TBX22: variants seen among roughly 807,000 people sequenced by gnomAD.
TBX22 encodes the protein T-box transcription factor 22, also known as T-box transcription factor TBX22.
TBX22 carries 8 observed loss-of-function variants against 30.1 expected under a neutral mutation model. The observed-to-expected ratio is 0.27, with a 90% CI of 0.16 to 0.48. The LOEUF (loss-of-function observed/expected upper bound fraction) is 0.48, where lower values mean the gene tolerates loss of function less well. TBX22 is among the 20% of genes least tolerant of loss of function. The pLI is 0.99. For missense variants in TBX22, 463 were observed against 400.5 expected, an observed-to-expected ratio of 1.16 and a Z score of -1.33; for synonymous variants, 173 against 149.1, an observed-to-expected ratio of 1.16 and a Z score of -1.17.
At chrX:80,019,279 T>C (rs1302350290) in intron 1 of TBX22, among the ~76,000 whole-genome samples, 3 of 110,234 alleles carry the variant, frequency 2.7e-5, no homozygotes, top group African/African-American at 1.0e-4. Flanking sequence ...CATTAGAGTG[T>C]TCATTCTAAG....
chrX:80,021,689 G>C (rs1026248301), intron 1 of TBX22, among the ~76,000 whole-genome samples: 47 of 111,580 alleles, frequency 4.2e-4, no homozygotes, highest in African/African-American at 1.4e-3. Context: ...CTCCCTGTTA[G>C]ACTCTGAAGT....
chrX:80,020,550 A>G (rs1015668937), intron 1 of TBX22, among the ~76,000 whole-genome samples: 1 of 112,042 alleles, frequency 8.9e-6, no homozygotes, highest in African/African-American at 3.2e-5. Context: ...CATGGTGAGC[A>G]GTGGCTAAAT....
At chrX:80,027,352 A>C in intron 7 of TBX22, 32 bp downstream of exon 7, 2 of 685,211 alleles carry the variant, frequency 2.9e-6, no homozygotes, top group Non-Finnish European at 4.6e-6. Flanking sequence ...TCTAATATTG[A>C]TGTAGCTAGC....
At chrX:80,030,202 A>G (rs554907501) in intron 8 of TBX22, among the ~76,000 whole-genome samples, 11 of 112,058 alleles carry the variant, frequency 9.8e-5, no homozygotes, top group African/African-American at 3.6e-4. Flanking sequence ...AGCTCAGGCA[A>G]TGAGGTAATG....
intron 1 of TBX22, among the ~76,000 whole-genome samples, chrX:80,020,830 A>C (rs1233119491): frequency 8.9e-6 from 1 of 112,163 alleles, no homozygotes; most frequent in Admixed American, 9.5e-5. Flanking sequence ...ATCTTATTTT[A>C]AATGAACTTG....
chrX:80,019,940 A>G (rs1186550509), intron 1 of TBX22, among the ~76,000 whole-genome samples: 1 of 111,882 alleles, frequency 8.9e-6, no homozygotes, highest in Non-Finnish European at 1.9e-5. Context: ...CACCCAAGAT[A>G]TGCTATTTTC....
chrX:80,029,050 A>G (rs1032532168), intron 8 of TBX22, among the ~76,000 whole-genome samples: 40 of 112,065 alleles, frequency 3.6e-4, no homozygotes, highest in Admixed American at 1.6e-3. Flanking sequence ...AATGTGCACT[A>G]ATAAAGAAAA....
chrX:80,031,355 A>G lies in TBX22; in HGVS notation c.*244A>G. 1 of 368,432 alleles carries G rather than the reference A, an allele frequency of 2.7e-6. No homozygotes were observed. Among genetic ancestry groups the G allele is most frequent in the Non-Finnish European group, 4.7e-6 (1 of 213,381 alleles). The allele number at this position is 368,432 out of a possible 1,213,427, so 30.4% of individuals were successfully genotyped here. ...CTTGAGCTTCAAAATGAGATATGCA[A>G]TAAATATTATTTGATGATACTCCAC... On this transcript the variant is annotated 3_prime_UTR_variant, in exon 9 of 9. Transcript: ENST00000373296.
intron 5 of TBX22, among the ~76,000 whole-genome samples, chrX:80,026,288 C>T (rs1353679679): frequency 9.0e-6 from 1 of 111,659 alleles, no homozygotes; most frequent in African/African-American, 3.3e-5. Flanking sequence ...CTTCTGTCCT[C>T]CCCAGTCTGG....
At position 80,023,086 on chromosome X, in the gene TBX22, A is replaced by G; in HGVS notation, c.202A>G (p.Thr68Ala). ...LEKQPKTEPS[T>A]SASSGCGSDS... is the part of the protein sequence containing the mutation. ...AAAACAACCTAAGACAGAGCCCTCA[A>G]CATCTGCTTCCTCTGGCTGCGGCAG... Residue 68 changes from threonine (T) to alanine (A), a missense_variant, in exon 3 of 9, where the codon ACA (threonine) becomes GCA (alanine). By Grantham distance (58) the Thr-to-Ala change is moderately conservative. Transcript: ENST00000373296. 3 of 1,211,917 alleles carry G rather than the reference A, an allele frequency of 2.5e-6. No individual in the cohort carries two copies. The South Asian group carries it at 5.3e-5, about 21-fold the overall frequency.
At chrX:80,022,661 A>G (rs764210439) in intron 2 of TBX22, 1 of 453,967 alleles carries the variant, frequency 2.2e-6, no homozygotes, top group East Asian at 3.7e-5. Context: ...TTGTGAAGTG[A>G]GTCTCTCCTA....
At chrX:80,029,821 G>A (rs779054855) in intron 8 of TBX22, among the ~76,000 whole-genome samples, 67 of 112,169 alleles carry the variant, frequency 6.0e-4, no homozygotes, top group Non-Finnish European at 8.6e-4. Flanking sequence ...TATAATTGAC[G>A]CTAAGTCATA....
intron 1 of TBX22, among the ~76,000 whole-genome samples, chrX:80,018,822 C>T (rs1923560100): frequency 1.8e-5 from 2 of 111,860 alleles, no homozygotes; most frequent in Non-Finnish European, 3.8e-5. Flanking sequence ...AAAAAAAAGA[C>T]TTGTGTAAGG....
At chrX:80,020,328 A>C (rs1032883730) in intron 1 of TBX22, among the ~76,000 whole-genome samples, 1 of 90,831 alleles carries the variant, frequency 1.1e-5, no homozygotes, top group Non-Finnish European at 2.1e-5. Flanking sequence ...TGATACATAT[A>C]GATAGATAGA....
Position 80,023,048 on chromosome X carries a change from TG to T in TBX22, c.176-11del. On this transcript the variant is annotated splice_polypyrimidine_tract_variant and intron_variant, in intron 2 of 8. Coordinates refer to ENST00000373296, the MANE Select transcript of TBX22 (RefSeq NM_001109878.2). ...CTCTCTCAAACCCTGAGCGCCTTTC[TG>T]TGTCCAGCAGAAAAACAACCTAAGA... 8.3e-7 allele frequency: 1 copy of T among 1,210,594 alleles called. No homozygotes were observed. Among genetic ancestry groups the T allele is most frequent in the Non-Finnish European group, 1.1e-6 (1 of 894,886 alleles).
chrX:80,023,272 C>T, intron 3 of TBX22, 32 bp downstream of exon 3: 1 of 1,182,531 alleles, frequency 8.5e-7, no homozygotes. Flanking sequence ...TCACAAGGGT[C>T]ACACACATTA....
At chrX:80,027,920 C>A in intron 7 of TBX22, 71 bp from the exon 8 acceptor site, 1 of 794,336 alleles carries the variant, frequency 1.3e-6, no homozygotes, top group Non-Finnish European at 1.9e-6. Flanking sequence ...AAAGATATAG[C>A]AAAATAACTC....
chrX:80,025,537 G>A (rs1313954756), intron 4 of TBX22, 66 bp from the exon 5 acceptor site: 1 of 962,004 alleles, frequency 1.0e-6, no homozygotes, highest in Admixed American at 2.2e-5. Context: ...AAGTCCTCAG[G>A]AACAGAACAC....
intron 7 of TBX22, 23 bp downstream of exon 7, chrX:80,027,343 C>A: frequency 5.1e-6 from 4 of 785,403 alleles, no homozygotes; most frequent in Non-Finnish European, 7.7e-6. Flanking sequence ...GCAATGACAT[C>A]TAATATTGAT....
Sources: gnomAD v4.1 joint callset for allele counts (sites outside exome capture counted in the v4.1 genomes callset) on GRCh38, gnomAD v4.1.1 for gene constraint, MANE v1.5 for transcripts, NCBI Gene and HGNC (gene_info 2026-07-23, HGNC 2026-07-21) for gene names.